The following HS3ST4 variants were observed in gnomAD, a reference collection of about 807,000 sequenced individuals.
HS3ST4 encodes heparan sulfate-glucosamine 3-sulfotransferase 4.
A neutral mutation model predicts 29.2 loss-of-function variants in HS3ST4; 17 were observed. That is an observed-to-expected ratio of 0.58 (90% confidence interval 0.40 to 0.87). The LOEUF is 0.87. Among genes scored for constraint, HS3ST4 ranks in the 40% least tolerant of loss-of-function variants. HS3ST4 has a pLI of 0.00. For missense variants in HS3ST4, 627 were observed against 634.5 expected (o/e 0.99, Z 0.13); for synonymous variants, 314 against 285.7 (o/e 1.10, Z -1.00).
At chr16:25,904,090 G>T (rs1968150744) in intron 1 of HS3ST4, among the ~76,000 whole-genome samples, 1 of 151,498 alleles carries the variant, frequency 6.6e-6, no homozygotes, top group Non-Finnish European at 1.5e-5. Flanking sequence ...ATGGATGCAT[G>T]GATGAATGAA....
chr16:26,021,355 A>G (rs951437697), intron 1 of HS3ST4, among the ~76,000 whole-genome samples: 1 of 152,208 alleles, frequency 6.6e-6, no homozygotes, highest in African/African-American at 2.4e-5. Flanking sequence ...CATTAGATGG[A>G]TGAGATGGGA....
chr16:25,777,154 C>T (rs904495332), intron 1 of HS3ST4, among the ~76,000 whole-genome samples: 4 of 152,186 alleles, frequency 2.6e-5, no homozygotes, highest in Admixed American at 2.6e-4. Context: ...TTGACTCACG[C>T]ACATTAATCT....
At chr16:25,894,318 G>T (rs1968038442) in intron 1 of HS3ST4, among the ~76,000 whole-genome samples, 1 of 152,076 alleles carries the variant, frequency 6.6e-6, no homozygotes, top group African/African-American at 2.4e-5. Flanking sequence ...AAATGAAGTT[G>T]CTCCCAGATA....
chr16:25,910,303 C>T (rs149437266), intron 1 of HS3ST4, among the ~76,000 whole-genome samples: 2,283 of 152,118 alleles, frequency 0.015, 36 homozygotes, highest in Non-Finnish European at 0.021. Context: ...TGCTCAACTC[C>T]GATGTTACAT....
chr16:25,753,494 T>A (rs371391391), intron 1 of HS3ST4, among the ~76,000 whole-genome samples: 19 of 152,010 alleles, frequency 1.2e-4, no homozygotes, highest in Middle Eastern at 3.4e-3. Context: ...TTATGTGTTA[T>A]TCATGCATGA....
At chr16:25,822,343 C>A (rs200405606) in intron 1 of HS3ST4, among the ~76,000 whole-genome samples, 1 of 152,248 alleles carries the variant, frequency 6.6e-6, no homozygotes, top group East Asian at 1.9e-4. Context: ...GAGTGCTCTA[C>A]CCTCGTGACC....
rs1297253906 is a variant in HS3ST4, at chr16:25,692,079, G to A, written c.-339G>A. On this transcript the variant is annotated 5_prime_UTR_variant, in exon 1 of 2. Coordinates refer to ENST00000331351, the MANE Select transcript of HS3ST4 (RefSeq NM_006040.3). ...AAGCAGAAGCCGCGGCGGAGCCGGGGAAGCGGGGGCGCTGCAGACGGAGCA... is the reference window on the plus strand; with the variant it reads ...AAGCAGAAGCCGCGGCGGAGCCGGGAAAGCGGGGGCGCTGCAGACGGAGCA... 2 of 151,292 alleles carry A rather than the reference G, an allele frequency of 1.3e-5. No individual in the cohort carries two copies. The highest frequency in any genetic ancestry group is 4.8e-5 in the African/African-American group (2 of 41,296). 9.4% of individuals were successfully genotyped at this position (151,292 alleles called of 1,614,324 possible).
chr16:25,965,981 A>G (rs749610507), intron 1 of HS3ST4, among the ~76,000 whole-genome samples: 4 of 152,154 alleles, frequency 2.6e-5, no homozygotes, highest in East Asian at 3.9e-4. Flanking sequence ...ACCTGGCCCC[A>G]TGTTGTTTAA....
rs73513386 is a variant in HS3ST4 at position 25,857,538 on chromosome 16, G to A, written c.734+164387G>A. Among the ~76,000 whole-genome samples the A allele has an allele frequency of 5.3e-3, 805 of 152,240 alleles. 4 individuals carry two copies. The highest frequency in any genetic ancestry group is 0.018 in the African/African-American group (754 of 41,542). ...TTGCTTCTGTGTCCCTAAGTGAGAC[G>A]AGGCTGTAGTTTTTTACTGGGGTGT... On this transcript the variant is annotated intron_variant, in intron 1 of 1. Coordinates refer to ENST00000331351, the MANE Select transcript of HS3ST4 (RefSeq NM_006040.3).
At chr16:25,926,472 G>A (rs1968404156) in intron 1 of HS3ST4, among the ~76,000 whole-genome samples, 1 of 152,246 alleles carries the variant, frequency 6.6e-6, no homozygotes, top group African/African-American at 2.4e-5. Flanking sequence ...GTCTGTGTAT[G>A]ACTGGGCACA....
chr16:26,050,190 G>A (rs1197204036), intron 1 of HS3ST4, among the ~76,000 whole-genome samples: 3 of 152,248 alleles, frequency 2.0e-5, no homozygotes, highest in African/African-American at 7.2e-5. Flanking sequence ...CCTAGGGGCT[G>A]CCAGCCACCA....
chr16:25,986,010 T>C (rs1034369223), intron 1 of HS3ST4, among the ~76,000 whole-genome samples: 7 of 152,208 alleles, frequency 4.6e-5, no homozygotes, highest in Non-Finnish European at 8.8e-5. Context: ...AAGCCTACAT[T>C]AATTAAAGCC....
At chr16:26,073,173 AT>A (rs1898620557) in intron 1 of HS3ST4, among the ~76,000 whole-genome samples, 1 of 152,204 alleles carries the variant, frequency 6.6e-6, no homozygotes, top group African/African-American at 2.4e-5. Flanking sequence ...TGTGCTGAGC[AT>A]GTTAGATGCA....
intron 1 of HS3ST4, among the ~76,000 whole-genome samples, chr16:25,845,220 A>G (rs763255369): frequency 6.6e-6 from 1 of 152,188 alleles, no homozygotes; most frequent in Non-Finnish European, 1.5e-5. Context: ...AATTAAAAAT[A>G]AATGTAGGCC....
chr16:25,784,830 A>G (rs1474251273), intron 1 of HS3ST4, among the ~76,000 whole-genome samples: 1 of 152,220 alleles, frequency 6.6e-6, no homozygotes, highest in Admixed American at 6.5e-5. Context: ...TAAACAACAG[A>G]TTTTCAATGT....
chr16:25,945,938 A>G (rs1968620917), intron 1 of HS3ST4, among the ~76,000 whole-genome samples: 1 of 151,818 alleles, frequency 6.6e-6, no homozygotes, highest in African/African-American at 2.4e-5. Flanking sequence ...TTTTTTCCCT[A>G]GCACCCATTC....
chr16:26,121,646 G>A (rs922506519), intron 1 of HS3ST4, among the ~76,000 whole-genome samples: 12 of 152,150 alleles, frequency 7.9e-5, no homozygotes, highest in African/African-American at 2.9e-4. Context: ...AGTGTGAGGT[G>A]GAGAGACCTG....
At chr16:25,934,393 C>T (rs1968497735) in intron 1 of HS3ST4, among the ~76,000 whole-genome samples, 1 of 152,110 alleles carries the variant, frequency 6.6e-6, no homozygotes, top group African/African-American at 2.4e-5. Flanking sequence ...CTTTGTGGTT[C>T]CAGAGGACAG....
At chr16:25,751,227 G>GA (rs774468964) in intron 1 of HS3ST4, among the ~76,000 whole-genome samples, 1 of 152,146 alleles carries the variant, frequency 6.6e-6, no homozygotes, top group Non-Finnish European at 1.5e-5. Flanking sequence ...CTTTTGAATA[G>GA]AAATATTTCC....
Sources: allele counts gnomAD v4.1 joint callset (sites outside exome capture counted in the v4.1 genomes callset), GRCh38; gene constraint gnomAD v4.1.1; transcripts MANE v1.5; gene names NCBI Gene and HGNC (gene_info 2026-07-23, HGNC 2026-07-21).